MAGI1: variants seen among roughly 807,000 people sequenced by gnomAD.
MAGI1 encodes the protein membrane associated guanylate kinase, WW and PDZ domain containing 1, also known as membrane-associated guanylate kinase, WW and PDZ domain-containing protein 1.
MAGI1 carries 58 observed loss-of-function variants against 139.9 expected under a neutral mutation model. The ratio of observed to expected loss-of-function variants is 0.41; its 90% CI spans 0.34 to 0.52. The LOEUF (loss-of-function observed/expected upper bound fraction) is 0.52, where lower values mean the gene tolerates loss of function less well. Ranked by LOEUF, MAGI1 falls within the 20% of genes least tolerant of loss-of-function variation. The pLI, the probability that MAGI1 is intolerant of heterozygous loss-of-function variation, is 0.12. For synonymous variants in MAGI1, 812 were observed against 737.9 expected (o/e 1.10, Z -1.63); for missense variants, 1,874 against 1,901.6 (o/e 0.99, Z 0.27).
At chr3:65,938,068 T>C (rs1412920347) in intron 1 of MAGI1, among the ~76,000 whole-genome samples, 9 of 152,030 alleles carry the variant, frequency 5.9e-5, no homozygotes, top group Admixed American at 5.9e-4. Flanking sequence ...ATGATCACTC[T>C]TCCTATCAAA....
At chr3:65,416,404 C>A (rs1466265682) in intron 12 of MAGI1, among the ~76,000 whole-genome samples, 1 of 152,010 alleles carries the variant, frequency 6.6e-6, no homozygotes. Flanking sequence ...GCAACAAATA[C>A]AAAGATCACA....
chr3:65,604,770 A>C (rs2082655359), intron 2 of MAGI1, among the ~76,000 whole-genome samples: 1 of 152,042 alleles, frequency 6.6e-6, no homozygotes, highest in African/African-American at 2.4e-5. Flanking sequence ...TCTGGCTTTT[A>C]TTAGTCAACT....
intron 1 of MAGI1, among the ~76,000 whole-genome samples, chr3:65,929,846 T>G (rs1444239243): frequency 6.6e-6 from 1 of 152,090 alleles, no homozygotes; most frequent in Non-Finnish European, 1.5e-5. Flanking sequence ...GCCTGTGGAA[T>G]GGAGAGTGGG....
intron 1 of MAGI1, among the ~76,000 whole-genome samples, chr3:65,824,213 T>C (rs888620819): frequency 6.6e-6 from 1 of 152,338 alleles, no homozygotes; most frequent in East Asian, 1.9e-4. Context: ...GAACTTGACA[T>C]AATTTCAGGA....
intron 1 of MAGI1, among the ~76,000 whole-genome samples, chr3:65,890,181 A>G (rs1222483856): frequency 2.6e-5 from 4 of 152,010 alleles, no homozygotes; most frequent in East Asian, 3.9e-4. Context: ...TGGCTAACAC[A>G]GTGAAACCCC....
At chr3:65,494,074 A>T in intron 2 of MAGI1, among the ~76,000 whole-genome samples, 1 of 152,198 alleles carries the variant, frequency 6.6e-6, no homozygotes, top group African/African-American at 2.4e-5. Context: ...CCTCAATACA[A>T]CCGGCAAGTT....
chr3:65,407,227 A>G (rs1399639819), intron 12 of MAGI1, among the ~76,000 whole-genome samples: 2 of 152,130 alleles, frequency 1.3e-5, no homozygotes, highest in South Asian at 2.1e-4. Context: ...CAAGTGGATC[A>G]CCTGAGGTCA....
intron 1 of MAGI1, among the ~76,000 whole-genome samples, chr3:65,707,669 G>A (rs1330835496): frequency 2.9e-5 from 4 of 137,404 alleles, no homozygotes; most frequent in Non-Finnish European, 4.6e-5. Flanking sequence ...CAAACTGGGT[G>A]ACAGAGTGAT....
intron 14 of MAGI1, 41 bp downstream of exon 14, chr3:65,391,101 C>T (rs368707422): frequency 1.7e-4 from 260 of 1,532,366 alleles, no homozygotes; most frequent in Non-Finnish European, 2.2e-4. Context: ...TAGAGCCCTG[C>T]GGAGGGGTCA....
intron 2 of MAGI1, among the ~76,000 whole-genome samples, chr3:65,506,496 C>A (rs1342416015): frequency 1.3e-5 from 2 of 152,130 alleles, no homozygotes; most frequent in Non-Finnish European, 2.9e-5. Flanking sequence ...ATTTTTCCAA[C>A]CTTGATGAAA....
intron 1 of MAGI1, among the ~76,000 whole-genome samples, chr3:65,711,399 T>C (rs1017314402): frequency 6.6e-6 from 1 of 152,158 alleles, no homozygotes; most frequent in Non-Finnish European, 1.5e-5. Flanking sequence ...AGGTTTTAGA[T>C]AAACAATCTC....
At chr3:65,426,398 G>A (rs573533544) in intron 12 of MAGI1, among the ~76,000 whole-genome samples, 2 of 152,148 alleles carry the variant, frequency 1.3e-5, no homozygotes, top group East Asian at 3.9e-4. Context: ...TAGAGATGAG[G>A]AATTAAAATG....
At chr3:65,767,300 GT>G (rs939698276) in intron 1 of MAGI1, among the ~76,000 whole-genome samples, 90 of 147,644 alleles carry the variant, frequency 6.1e-4, no homozygotes, top group Non-Finnish European at 1.1e-3. Flanking sequence ...CCACAGTTTA[GT>G]TTTTTTTTTA....
intron 1 of MAGI1, among the ~76,000 whole-genome samples, chr3:65,783,800 T>G (rs1438358306): frequency 1.5e-4 from 2 of 13,668 alleles, no homozygotes; most frequent in Non-Finnish European, 1.9e-4. Context: ...ACCCAGCCTG[T>G]ACCAAAAAAA....
At chr3:65,707,897 T>C (rs765289228) in intron 1 of MAGI1, among the ~76,000 whole-genome samples, 27 of 152,086 alleles carry the variant, frequency 1.8e-4, no homozygotes, top group Non-Finnish European at 3.5e-4. Context: ...AAATCCAAAG[T>C]CATGGCCATG....
chr3:65,927,416 G>A (rs2062579556), intron 1 of MAGI1, among the ~76,000 whole-genome samples: 2 of 152,030 alleles, frequency 1.3e-5, no homozygotes, highest in Admixed American at 1.3e-4. Flanking sequence ...ACCTGCAAAG[G>A]GTCTGTCTCA....
intron 1 of MAGI1, among the ~76,000 whole-genome samples, chr3:65,996,077 A>G (rs528779617): frequency 6.6e-6 from 1 of 151,958 alleles, no homozygotes; most frequent in East Asian, 1.9e-4. Context: ...TGGGTCCCAG[A>G]ACCTACAAAT....
In MAGI1 at chr3:65,361,354, A is replaced by C. The variant is rs1940833058; in HGVS notation, c.3496-17T>G. On this transcript the variant is annotated splice_polypyrimidine_tract_variant and intron_variant, in intron 21 of 22. Transcript: ENST00000402939. ...ATCACCAATCTGCCAAAGCAAAAGAAAACTAAGTGAGATTTGAAATTCATG... is the reference window on the plus strand; with the variant it reads ...ATCACCAATCTGCCAAAGCAAAAGACAACTAAGTGAGATTTGAAATTCATG... The C allele has an allele frequency of 6.2e-7, 1 of 1,611,738 alleles. No individual in the cohort carries two copies. Among genetic ancestry groups the C allele is most frequent in the African/African-American group, 1.3e-5 (1 of 74,840 alleles).
rs544452484 is a variant in MAGI1 at position 65,428,302 on chromosome 3, T to C, written c.2167+1218A>G. 5.1e-4 allele frequency among the ~76,000 whole-genome samples: 78 copies of C among 152,194 alleles called. 1 individual carries two copies. The highest frequency in any genetic ancestry group is 4.6e-4 in the Non-Finnish European group (31 of 68,028). On this transcript the variant is annotated intron_variant, in intron 12 of 22. Coordinates refer to ENST00000402939, the MANE Select transcript of MAGI1 (RefSeq NM_001033057.2). The stretch of plus-strand genomic sequence containing the variant: ...GAAACAGCCATTCTCAGGCCCACTG[T>C]GTAAAACTATCAGTCACGACTAATC...
Sources: gnomAD v4.1 joint callset for allele counts (sites outside exome capture counted in the v4.1 genomes callset) on GRCh38, gnomAD v4.1.1 for gene constraint, MANE v1.5 for transcripts, NCBI Gene and HGNC (gene_info 2026-07-23, HGNC 2026-07-21) for gene names.